The following LZTFL1 variants were observed in gnomAD, a reference collection of about 807,000 sequenced individuals.
The protein encoded by LZTFL1 is leucine zipper transcription factor like 1.
Under a neutral mutation model 45.9 loss-of-function variants are expected in LZTFL1, and 25 were observed. That is an observed-to-expected ratio of 0.54 (90% CI 0.40 to 0.76). The LOEUF is 0.76. Ranked by LOEUF, LZTFL1 falls within the 30% of genes least tolerant of loss-of-function variation. The pLI, the probability that LZTFL1 is intolerant of heterozygous loss-of-function variation, is 0.00. For synonymous variants in LZTFL1, 93 were observed against 117.4 expected (o/e 0.79, Z 1.35); for missense variants, 277 against 331.1 (o/e 0.84, Z 1.27).
At chr3:45,851,398 T>G (rs1396406697) in intron 4 of LZTFL1, among the ~76,000 whole-genome samples, 1 of 151,948 alleles carries the variant, frequency 6.6e-6, no homozygotes, top group Non-Finnish European at 1.5e-5. Context: ...AGCTCAGTTT[T>G]GTACTTTTAG....
At chr3:45,878,529 G>A (rs1701792126) in intron 2 of LZTFL1, among the ~76,000 whole-genome samples, 1 of 148,792 alleles carries the variant, frequency 6.7e-6, no homozygotes, top group Non-Finnish European at 1.5e-5. Flanking sequence ...CATTTCTAAT[G>A]TAATTTCTTA....
At chr3:45,831,638 A>G (rs961273596) in intron 5 of LZTFL1, among the ~76,000 whole-genome samples, 1 of 152,178 alleles carries the variant, frequency 6.6e-6, no homozygotes, top group African/African-American at 2.4e-5. Context: ...AGTAGACTCA[A>G]ATAAACACAT....
upstream of LZTFL1, chr3:45,915,668 C>A (rs960393995): frequency 1.1e-5 from 4 of 361,320 alleles, no homozygotes; most frequent in South Asian, 8.3e-5. Context: ...TCATTCAAGG[C>A]TTTAGATGGG....
chr3:45,876,487 A>G (rs1171387010), intron 2 of LZTFL1, among the ~76,000 whole-genome samples: 1 of 152,168 alleles, frequency 6.6e-6, no homozygotes. Flanking sequence ...AGGCTCTGAG[A>G]CACAGACCAC....
chr3:45,865,486 C>T (rs904966617), intron 2 of LZTFL1, among the ~76,000 whole-genome samples: 2 of 152,230 alleles, frequency 1.3e-5, no homozygotes, highest in African/African-American at 4.8e-5. Flanking sequence ...CACACATGCA[C>T]AGACTCTTGC....
At chr3:45,845,655 A>T (rs2125698231), upstream of LZTFL1, among the ~76,000 whole-genome samples, 1 of 152,352 alleles carries the variant, frequency 6.6e-6, no homozygotes, top group South Asian at 2.1e-4. Context: ...TTATTCAGAA[A>T]TGTGGGTCTT....
chr3:45,898,067 T>C (rs561605330), intron 2 of LZTFL1, among the ~76,000 whole-genome samples: 1 of 152,174 alleles, frequency 6.6e-6, no homozygotes, highest in South Asian at 2.1e-4. Flanking sequence ...ACTTATTCAT[T>C]GTGTGGATTC....
At chr3:45,866,153 G>A (rs1479906235) in intron 2 of LZTFL1, among the ~76,000 whole-genome samples, 1 of 152,152 alleles carries the variant, frequency 6.6e-6, no homozygotes, top group East Asian at 1.9e-4. Flanking sequence ...TGGGAGGAAG[G>A]AAGAACAAAT....
intron 2 of LZTFL1, among the ~76,000 whole-genome samples, chr3:45,867,419 C>A (rs1431565824): frequency 1.3e-5 from 2 of 152,062 alleles, no homozygotes; most frequent in Non-Finnish European, 2.9e-5. Flanking sequence ...TCCCGCAATT[C>A]AAGTTTTTTT....
chr3:45,855,113 A>G, intron 3 of LZTFL1: 1 of 1,282,360 alleles, frequency 7.8e-7, no homozygotes, highest in Non-Finnish European at 1.1e-6. Context: ...TATAAGTTGT[A>G]TCTTAAAAAC....
chr3:45,865,822 T>C (rs961375581), intron 2 of LZTFL1, among the ~76,000 whole-genome samples: 1 of 152,352 alleles, frequency 6.6e-6, no homozygotes, highest in African/African-American at 2.4e-5. Flanking sequence ...AAGAAATATA[T>C]GTTCCTGCAA....
At chr3:45,832,140 G>A (rs760276882) in intron 5 of LZTFL1, among the ~76,000 whole-genome samples, 11 of 152,032 alleles carry the variant, frequency 7.2e-5, no homozygotes, top group Admixed American at 2.6e-4. Context: ...AGAATGGCGT[G>A]AACCCGGGAG....
At position 45,901,246 on chromosome 3, in the gene LZTFL1, G is replaced by C; in HGVS notation, c.-215+11874C>G. On this transcript the variant is annotated intron_variant, in intron 2 of 4. Transcript: ENST00000472635. The surrounding 1 kb of genome is among the most constrained non-coding windows in gnomAD (Gnocchi z 4.3). ...TACATTGCCATTGCCCAGGCCATGA[G>C]AGCACATACTTGGAGGGAGAAAAGG... 1 of 1,614,196 alleles carries C rather than the reference G, an allele frequency of 6.2e-7. No homozygotes were observed. The highest frequency in any genetic ancestry group is 2.2e-5 in the East Asian group (1 of 44,882).
At chr3:45,868,405 G>C (rs1213406631) in intron 2 of LZTFL1, among the ~76,000 whole-genome samples, 2 of 152,110 alleles carry the variant, frequency 1.3e-5, no homozygotes, top group Non-Finnish European at 2.9e-5. Flanking sequence ...AACAGTTTTA[G>C]AGTGGATTTT....
intron 2 of LZTFL1, among the ~76,000 whole-genome samples, chr3:45,869,197 G>A (rs961986999): frequency 6.6e-6 from 1 of 152,214 alleles, no homozygotes; most frequent in African/African-American, 2.4e-5. Context: ...CTCAGGGATG[G>A]AGGACCATGG....
chr3:45,857,689 A>G (rs1013125894), intron 3 of LZTFL1, among the ~76,000 whole-genome samples: 2 of 152,238 alleles, frequency 1.3e-5, no homozygotes, highest in Non-Finnish European at 2.9e-5. Flanking sequence ...TGGTTGGACA[A>G]ATAGGCCAAA....
chr3:45,883,830 C>T (rs555447822), intron 2 of LZTFL1: 2 of 528,652 alleles, frequency 3.8e-6, no homozygotes, highest in Non-Finnish European at 7.0e-6. Context: ...GTTGCAGCCA[C>T]GGAGTAGGCC....
chr3:45,881,022 T>C (rs751294950), intron 2 of LZTFL1, among the ~76,000 whole-genome samples: 12 of 152,192 alleles, frequency 7.9e-5, no homozygotes, highest in Non-Finnish European at 1.8e-4. Flanking sequence ...AGATAATGCG[T>C]GTGAGGGCAG....
chr3:45,890,353 A>AACC (rs1702138560), intron 2 of LZTFL1, among the ~76,000 whole-genome samples: 1 of 20,764 alleles, frequency 4.8e-5, no homozygotes, highest in Non-Finnish European at 1.0e-4. Flanking sequence ...TATATAACAT[A>AACC]TATATATATA....
Sources: gnomAD v4.1 joint callset for allele counts (sites outside exome capture counted in the v4.1 genomes callset) on GRCh38, gnomAD v4.1.1 for gene constraint, Gnocchi (gnomAD v3.1) non-coding constraint, MANE v1.5 for transcripts, NCBI Gene and HGNC (gene_info 2026-07-23, HGNC 2026-07-21) for gene names.